Variants in RAB11FIP5 observed in about 807,000 individuals in gnomAD.
RAB11FIP5 encodes the protein rab11 family-interacting protein 5.
In RAB11FIP5, 48 loss-of-function variants were observed where a neutral mutation model predicts 85.1. The observed-to-expected ratio is 0.56, with a 90% CI of 0.45 to 0.72. The LOEUF (loss-of-function observed/expected upper bound fraction) is 0.72. Among genes scored for constraint, RAB11FIP5 ranks in the 30% least tolerant of loss-of-function variants. The pLI is 0.00. For synonymous variants in RAB11FIP5, 729 were observed against 727.3 expected (o/e 1.00, Z -0.04); for missense variants, 1,491 against 1,687.0 (o/e 0.88, Z 2.04).
At chr2:73,108,270 C>T (rs1644904909) in intron 1 of RAB11FIP5, among the ~76,000 whole-genome samples, 2 of 152,230 alleles carry the variant, frequency 1.3e-5, no homozygotes, top group Admixed American at 6.5e-5. Context: ...AAGCTGAACC[C>T]ACAGCCTTTG....
intron 1 of RAB11FIP5, among the ~76,000 whole-genome samples, chr2:73,108,680 T>G (rs1328600915): frequency 2.0e-5 from 3 of 152,138 alleles, no homozygotes; most frequent in African/African-American, 7.2e-5. Context: ...GAAAACTAAC[T>G]AACCACCACA....
intron 1 of RAB11FIP5, among the ~76,000 whole-genome samples, chr2:73,099,317 T>C (rs1378388393): frequency 6.6e-6 from 1 of 152,232 alleles, no homozygotes; most frequent in Non-Finnish European, 1.5e-5. Context: ...CCCAAAGTGC[T>C]GGCTTTTATA....
At chr2:73,101,576 G>A (rs1684429674) in intron 1 of RAB11FIP5, among the ~76,000 whole-genome samples, 1 of 152,166 alleles carries the variant, frequency 6.6e-6, no homozygotes, top group Non-Finnish European at 1.5e-5. Flanking sequence ...GCTCCCACCT[G>A]GGACTGATGG....
chr2:73,081,390 G>A lies in RAB11FIP5; in HGVS notation c.1842C>T (p.Ala614=), dbSNP rs530196356. Residue 614 remains alanine, a synonymous_variant, in exon 4 of 6, where the codon GCC becomes GCT. Coordinates refer to ENST00000486777, the MANE Select transcript of RAB11FIP5 (RefSeq NM_001371272.1). This position sits in a 1 kb window ranked among gnomAD's most constrained non-coding sequence, Gnocchi z 4.2. The part of the protein sequence containing the change: ...QSNPFFEELI[A]DIALNSPSPA... ...GTGAAGGAGAGTTTAGTGCTATGTC[G>A]GCTATGAGCTCCTCGAAGAAGGGGT... 548 of 1,232,548 alleles carry A rather than the reference G, an allele frequency of 4.4e-4. 1 individual carries two copies. The Middle Eastern group carries it at 7.8e-3, about 17-fold the overall frequency. 76.4% of individuals were successfully genotyped at this position (1,232,548 alleles called of 1,614,324 possible). A position where few individuals can be genotyped will look rare whatever the true frequency, so the allele number is the denominator to read the frequency against.
chr2:73,106,277 T>G (rs1205452653), intron 1 of RAB11FIP5, among the ~76,000 whole-genome samples: 1 of 152,106 alleles, frequency 6.6e-6, no homozygotes, highest in African/African-American at 2.4e-5. Flanking sequence ...GCTCCAGATG[T>G]GGGGATTCAG....
chr2:73,085,385 T>TG (rs1465838047), intron 3 of RAB11FIP5, among the ~76,000 whole-genome samples: 12 of 152,128 alleles, frequency 7.9e-5, no homozygotes, highest in Admixed American at 3.9e-4. Context: ...ATGGTTAGTG[T>TG]GGGGGGCGGG....
chr2:73,103,861 T>A (rs554261253), intron 1 of RAB11FIP5, among the ~76,000 whole-genome samples: 16 of 151,992 alleles, frequency 1.1e-4, no homozygotes, highest in African/African-American at 3.9e-4. Context: ...CTCTGGCAGG[T>A]GGAAAAATAA....
At chr2:73,087,939 A>G in intron 3 of RAB11FIP5, 111 bp downstream of exon 3, 2 of 1,095,004 alleles carry the variant, frequency 1.8e-6, no homozygotes, top group Non-Finnish European at 2.6e-6. Context: ...CCAGAGCCCC[A>G]GCAGCCTGCC....
intron 1 of RAB11FIP5, among the ~76,000 whole-genome samples, chr2:73,102,046 G>A (rs1309605317): frequency 1.3e-5 from 2 of 152,176 alleles, no homozygotes; most frequent in Non-Finnish European, 2.9e-5. Context: ...CAAGGGGAGG[G>A]GTTTGATTTC....
chr2:73,089,190 G>C lies in RAB11FIP5; in HGVS notation c.557C>G (p.Pro186Arg). 1 of 1,614,210 alleles carries C rather than the reference G, an allele frequency of 6.2e-7. No individual in the cohort carries two copies. Among genetic ancestry groups the C allele is most frequent in the Non-Finnish European group, 8.5e-7 (1 of 1,180,032 alleles). Residue 186 changes from proline to arginine, a missense_variant, in exon 2 of 6, where the codon CCA becomes CGA. Around this residue, in one of 3 missense-constraint regions of RAB11FIP5, gnomAD observed 1,211 missense variants for 1,338.0 expected, o/e 0.91. Coordinates refer to ENST00000486777, the MANE Select transcript of RAB11FIP5 (RefSeq NM_001371272.1). The surrounding 1 kb of genome is among the most constrained non-coding windows in gnomAD (Gnocchi z 4.6). ...SMFDLSMKDK[P>R]RSPFSKIRDK... The stretch of plus-strand genomic sequence containing the variant: ...CCTGATCTTGCTGAAGGGAGACCTT[G>C]GCTTGTCCTTCATGGACAGGTCAAA...
chr2:73,076,223 G>C, intron 4 of RAB11FIP5, 41 bp from the exon 5 acceptor site: 1 of 1,520,230 alleles, frequency 6.6e-7, no homozygotes, highest in Non-Finnish European at 9.0e-7. Flanking sequence ...AGAGAGAAGG[G>C]TGGCACGGGT....
At position 73,088,245 on chromosome 2, in the gene RAB11FIP5, C is replaced by A; in HGVS notation, c.1373G>T (p.Arg458Leu). 1.2e-6 allele frequency: 2 copies of A among 1,613,900 alleles called. No individual in the cohort carries two copies. Among genetic ancestry groups the A allele is most frequent in the Non-Finnish European group, 8.5e-7 (1 of 1,180,020 alleles). ...GTGGAAGAGACCCATCCGGGGCTTGCGTTCCTCCTTCCGGGCTCCCTCCTT... is the reference window on the plus strand; with the variant it reads ...GTGGAAGAGACCCATCCGGGGCTTGAGTTCCTCCTTCCGGGCTCCCTCCTT... The part of the protein sequence containing the change: ...AEKEGARKEE[R>L]KPRMGLFHHH... Residue 458 changes from arginine to leucine, a missense_variant, in exon 3 of 6, where the codon CGC becomes CTC. Physicochemically the swap from Arg to Leu is moderately radical, Grantham distance 102 (BLOSUM62 -2). Transcript: ENST00000486777.
intron 1 of RAB11FIP5, among the ~76,000 whole-genome samples, chr2:73,091,475 A>G (rs1041044312): frequency 1.3e-5 from 2 of 152,036 alleles, no homozygotes; most frequent in East Asian, 1.9e-4. Context: ...ACACACACGC[A>G]CACAGAGCTA....
intron 1 of RAB11FIP5, among the ~76,000 whole-genome samples, chr2:73,107,493 G>A (rs970106294): frequency 1.4e-4 from 22 of 152,202 alleles, no homozygotes; most frequent in Non-Finnish European, 4.4e-5. Flanking sequence ...GACAGGTGGG[G>A]CAGAGATGGG....
At position 73,088,157 on chromosome 2, in the gene RAB11FIP5, C is replaced by T. The variant is rs1314447847; in HGVS notation, c.1461G>A (p.Gly487=). ...GTGGGGAGGCCCCCAGGATGGGACC[C>T]CCCTTTTCCCCCAGAGAGCTTCGGC... ...LGRRSSLGEK[G]GPILGASPHH... The change falls in exon 3 of 6, where the codon GGG becomes GGA. Residue 487 remains glycine (G), a synonymous_variant. Coordinates refer to ENST00000486777, the MANE Select transcript of RAB11FIP5 (RefSeq NM_001371272.1). 6.2e-7 allele frequency: 1 copy of T among 1,614,074 alleles called. No individual in the cohort carries two copies. Among genetic ancestry groups the T allele is most frequent in the Non-Finnish European group, 8.5e-7 (1 of 1,180,022 alleles).
In RAB11FIP5 at chr2:73,112,607, C is replaced by G. The variant is rs766122683; in HGVS notation, c.171G>C (p.Thr57=). Residue 57 remains threonine, a synonymous_variant, in exon 1 of 6, where the codon ACG becomes ACC. Transcript: ENST00000486777. Reference sequence around the variant, plus strand: ...AGCCGTGCGTCTTCTCCACCACCGACGTACTGTACTTCTCGCGGCCCACCT... The same window carrying G: ...AGCCGTGCGTCTTCTCCACCACCGAGGTACTGTACTTCTCGCGGCCCACCT... The part of the protein sequence containing the change: ...VIQVGREKYS[T]SVVEKTHGCP... 1.2e-6 allele frequency: 2 copies of G among 1,601,342 alleles called. No individual in the cohort carries two copies. The highest frequency in any genetic ancestry group is 1.4e-5 in the African/African-American group (1 of 73,378).
rs568477282 is a variant in RAB11FIP5 at position 73,076,187 on chromosome 2, A to G, written c.3582-5T>C. 2.1e-5 allele frequency: 33 copies of G among 1,597,166 alleles called. 1 individual carries two copies. The South Asian group carries it at 3.6e-4, about 18-fold the overall frequency. ...AGGGGCTTCACGGGGTGGGGACTGC[A>G]AAGACATACAAGAGATGGGTTACAC... On this transcript the variant is annotated splice_region_variant and splice_polypyrimidine_tract_variant and intron_variant, in intron 4 of 5. Coordinates refer to ENST00000486777, the MANE Select transcript of RAB11FIP5 (RefSeq NM_001371272.1).
chr2:73,098,902 T>C (rs2106118972), intron 1 of RAB11FIP5, among the ~76,000 whole-genome samples: 1 of 152,306 alleles, frequency 6.6e-6, no homozygotes, highest in South Asian at 2.1e-4. Context: ...CTATCACATT[T>C]TAGCTGTTAC....
At position 73,075,664 on chromosome 2, in the gene RAB11FIP5, T is replaced by C. The variant is rs759132831; in HGVS notation, c.3832A>G (p.Ser1278Gly). Residue 1278 changes from serine to glycine, a missense_variant, in exon 6 of 6, where the codon AGC becomes GGC. Around this residue, in one of 3 missense-constraint regions of RAB11FIP5, gnomAD observed 232 missense variants for 259.1 expected, o/e 0.90. Transcript: ENST00000486777. The surrounding 1 kb of genome is among the most constrained non-coding windows in gnomAD (Gnocchi z 4.6). The stretch of plus-strand genomic sequence containing the variant: ...TCCCGCTCCCGCTGCAGGAGCAGGC[T>C]GATGAGCTCATCGTGGGTCAGGTGG... ...YYHLTHDELI[S>G]LLLQRERELS... 41 of 1,613,646 alleles carry C rather than the reference T, an allele frequency of 2.5e-5. No homozygotes were observed. The highest frequency in any genetic ancestry group is 3.3e-5 in the Non-Finnish European group (39 of 1,179,870).
Sources: gnomAD v4.1 joint callset for allele counts (sites outside exome capture counted in the v4.1 genomes callset) on GRCh38, gnomAD v4.1.1 for gene constraint, gnomAD v4.1.1 regional missense constraint, Gnocchi (gnomAD v3.1) non-coding constraint, MANE v1.5 for transcripts, NCBI Gene and HGNC (gene_info 2026-07-23, HGNC 2026-07-21) for gene names.